Variants in GPC5 observed in about 807,000 individuals in gnomAD.
GPC5 encodes glypican-5.
A neutral mutation model predicts 53.9 loss-of-function variants in GPC5; 47 were observed. The observed-to-expected ratio is 0.87, with a 90% CI of 0.69 to 1.11. GPC5 has a LOEUF of 1.11. Ranked by LOEUF, GPC5 falls within the 50% of genes most tolerant of loss-of-function variation. The pLI, the probability that GPC5 is intolerant of heterozygous loss-of-function variation, is 0.00. For synonymous variants in GPC5, 286 were observed against 263.3 expected (o/e 1.09, Z -0.84); for missense variants, 748 against 713.1 (o/e 1.05, Z -0.56).
chr13:92,090,491 A>T (rs1200387189), intron 6 of GPC5, among the ~76,000 whole-genome samples: 2 of 152,176 alleles, frequency 1.3e-5, no homozygotes, highest in Non-Finnish European at 2.9e-5. Flanking sequence ...CAATTCATGA[A>T]TCAAGAAGCA....
intron 7 of GPC5, among the ~76,000 whole-genome samples, chr13:92,190,932 T>C (rs979252193): frequency 2.6e-5 from 4 of 152,116 alleles, no homozygotes; most frequent in Non-Finnish European, 5.9e-5. Flanking sequence ...ATTGTAAGAA[T>C]AGATGAAAAA....
At chr13:91,802,823 A>G (rs1214356277) in intron 5 of GPC5, among the ~76,000 whole-genome samples, 1 of 152,116 alleles carries the variant, frequency 6.6e-6, no homozygotes, top group Non-Finnish European at 1.5e-5. Context: ...CTTCTACTTG[A>G]GAAATGAATG....
intron 7 of GPC5, among the ~76,000 whole-genome samples, chr13:92,151,651 C>T (rs2041908381): frequency 6.6e-6 from 1 of 152,132 alleles, no homozygotes; most frequent in Non-Finnish European, 1.5e-5. Context: ...GGGCCTGACG[C>T]TCTCAGGTTA....
At chr13:91,484,401 A>G (rs548394801) in intron 2 of GPC5, among the ~76,000 whole-genome samples, 10 of 152,360 alleles carry the variant, frequency 6.6e-5, no homozygotes, top group Admixed American at 5.9e-4. Context: ...AGAAGTCTTT[A>G]TTGAGCATAT....
intron 6 of GPC5, among the ~76,000 whole-genome samples, chr13:91,997,708 CG>C (rs2040516710): frequency 6.6e-6 from 1 of 151,982 alleles, no homozygotes; most frequent in Non-Finnish European, 1.5e-5. Flanking sequence ...TTAGTAGAGA[CG>C]GGGTTTCACC....
chr13:91,930,573 G>A (rs1328545843), intron 6 of GPC5, among the ~76,000 whole-genome samples: 1 of 151,760 alleles, frequency 6.6e-6, no homozygotes, highest in African/African-American at 2.4e-5. Flanking sequence ...TCAGTATTCA[G>A]CCTTTTTTGT....
intron 7 of GPC5, among the ~76,000 whole-genome samples, chr13:92,805,539 C>T (rs1479301814): frequency 1.3e-5 from 2 of 152,044 alleles, no homozygotes; most frequent in Non-Finnish European, 2.9e-5. Context: ...TGAACTCAAG[C>T]AATCCTTCTA....
chr13:92,710,489 T>A (rs937510861), intron 7 of GPC5, among the ~76,000 whole-genome samples: 1 of 152,192 alleles, frequency 6.6e-6, no homozygotes. Context: ...TAAAACATAG[T>A]AGAGAATAGA....
intron 7 of GPC5, among the ~76,000 whole-genome samples, chr13:92,807,035 C>T (rs1015591832): frequency 2.0e-5 from 3 of 152,072 alleles, no homozygotes; most frequent in Non-Finnish European, 4.4e-5. Flanking sequence ...TGTCCAGTCT[C>T]AGTCTCCTCC....
At chr13:92,593,185 G>T (rs1452506091) in intron 7 of GPC5, among the ~76,000 whole-genome samples, 1 of 150,988 alleles carries the variant, frequency 6.6e-6, no homozygotes, top group African/African-American at 2.4e-5. Flanking sequence ...ATCTCTGTCT[G>T]TTGAAAACTG....
intron 7 of GPC5, among the ~76,000 whole-genome samples, chr13:92,534,780 T>C (rs1211601805): frequency 6.6e-6 from 1 of 152,154 alleles, no homozygotes; most frequent in Non-Finnish European, 1.5e-5. Flanking sequence ...AAGGATTATG[T>C]ATTAAGATAT....
At chr13:92,552,849 G>A (rs951914528) in intron 7 of GPC5, among the ~76,000 whole-genome samples, 1 of 151,820 alleles carries the variant, frequency 6.6e-6, no homozygotes, top group African/African-American at 2.4e-5. Flanking sequence ...TTCTGTTCTT[G>A]CTAATTTGAA....
chr13:91,910,403 TTTC>T (rs2039598648), intron 6 of GPC5, among the ~76,000 whole-genome samples: 1 of 152,194 alleles, frequency 6.6e-6, no homozygotes, highest in Non-Finnish European at 1.5e-5. Flanking sequence ...TAGGAATAGG[TTTC>T]AGATCCTAGT....
intron 7 of GPC5, among the ~76,000 whole-genome samples, chr13:92,763,276 C>A (rs1875263209): frequency 1.3e-5 from 2 of 152,144 alleles, no homozygotes. Flanking sequence ...TGATTTTTAT[C>A]TGCAGATGGA....
intron 2 of GPC5, among the ~76,000 whole-genome samples, chr13:91,684,777 C>T (rs1211684560): frequency 6.6e-6 from 1 of 152,178 alleles, no homozygotes; most frequent in Admixed American, 6.5e-5. Context: ...TTGAAAATTC[C>T]CCAGTGCTTC....
intron 7 of GPC5, among the ~76,000 whole-genome samples, chr13:92,274,652 G>A (rs1055429711): frequency 2.0e-5 from 3 of 152,100 alleles, no homozygotes; most frequent in Non-Finnish European, 4.4e-5. Context: ...TCACTGAAAA[G>A]CTAAAATGGG....
At chr13:92,601,720 TATG>T (rs949827178) in intron 7 of GPC5, among the ~76,000 whole-genome samples, 7 of 152,050 alleles carry the variant, frequency 4.6e-5, no homozygotes, top group African/African-American at 1.7e-4. Flanking sequence ...AATGTATTAA[TATG>T]ATATAGCCTA....
At chr13:92,847,054 G>A (rs765364085) in intron 7 of GPC5, among the ~76,000 whole-genome samples, 9 of 151,998 alleles carry the variant, frequency 5.9e-5, no homozygotes, top group Non-Finnish European at 1.0e-4. Context: ...CCATTGTGTA[G>A]TATCCTCCAA....
At chr13:91,666,003 T>C (rs1030356550) in intron 2 of GPC5, among the ~76,000 whole-genome samples, 4 of 152,252 alleles carry the variant, frequency 2.6e-5, no homozygotes, top group African/African-American at 9.6e-5. Flanking sequence ...ATCTGTTATG[T>C]AAGTGACTTC....
Sources: allele counts gnomAD v4.1 joint callset (sites outside exome capture counted in the v4.1 genomes callset), GRCh38; gene constraint gnomAD v4.1.1; transcripts MANE v1.5; gene names NCBI Gene and HGNC (gene_info 2026-07-23, HGNC 2026-07-21).